HLF: variants seen among roughly 807,000 people sequenced by gnomAD.
The protein encoded by HLF is HLF transcription factor, PAR bZIP family member.
Under a neutral mutation model 22.6 loss-of-function variants are expected in HLF, and 3 were observed. That is an observed-to-expected ratio of 0.13 (90% CI 0.06 to 0.34). The LOEUF (loss-of-function observed/expected upper bound fraction) is 0.34, where lower values mean the gene tolerates loss of function less well. Among genes scored for constraint, HLF ranks in the 10% least tolerant of loss-of-function variants. HLF has a pLI of 1.00. For synonymous variants in HLF, 151 were observed against 151.8 expected (o/e 0.99, Z 0.04); for missense variants, 299 against 389.2 (o/e 0.77, Z 1.95).
rs747759761 is a variant in HLF at position 55,324,434 on chromosome 17, T to G, written c.*3555T>G. ...TGAAATGCAAAGCTATTCTTTGGTT[T>G]TTCTAGTAGTTTATCTCATTTTACC... On this transcript the variant is annotated 3_prime_UTR_variant, in exon 4 of 4. Transcript: ENST00000226067. The G allele has an allele frequency of 9.9e-5, 23 of 231,524 alleles. No individual in the cohort carries two copies. Among genetic ancestry groups the G allele is most frequent in the Non-Finnish European group, 1.3e-4 (15 of 116,956 alleles). The allele number at this position is 231,524 out of a possible 1,614,324, so 14.3% of individuals were successfully genotyped here.
Position 55,321,561 on chromosome 17 carries a change from T to C in HLF, c.*682T>C, listed in dbSNP as rs1326710521. 1 of 228,216 alleles carries C rather than the reference T, an allele frequency of 4.4e-6. No homozygotes were observed. The highest frequency in any genetic ancestry group is 2.2e-5 in the African/African-American group (1 of 45,068). The allele number at this position is 228,216 out of a possible 1,614,324, so 14.1% of individuals were successfully genotyped here. ...AACCCCAGATAAGTAAGAGTACTAT[T>C]AATAGAACACAGAGTGTGTTTTTGC... is the stretch of plus-strand genomic sequence containing the variant. On this transcript the variant is annotated 3_prime_UTR_variant, in exon 4 of 4. Transcript: ENST00000226067.
At chr17:55,271,192 T>C (rs1165018968) in intron 2 of HLF, among the ~76,000 whole-genome samples, 1 of 152,228 alleles carries the variant, frequency 6.6e-6, no homozygotes, top group East Asian at 1.9e-4. Flanking sequence ...CTACCTGCAA[T>C]GCTTTATGGC....
intron 2 of HLF, among the ~76,000 whole-genome samples, chr17:55,292,005 C>G (rs1753609962): frequency 1.3e-5 from 2 of 152,156 alleles, no homozygotes; most frequent in South Asian, 4.1e-4. Flanking sequence ...TTGCTGCAAT[C>G]TCATGATAAA....
chr17:55,278,249 A>C (rs1428704014), intron 2 of HLF, among the ~76,000 whole-genome samples: 1 of 152,232 alleles, frequency 6.6e-6, no homozygotes, highest in Non-Finnish European at 1.5e-5. Context: ...AGGGAGCTAC[A>C]ACACTAAATC....
At chr17:55,310,016 C>T (rs1021761334) in intron 2 of HLF, among the ~76,000 whole-genome samples, 5 of 152,184 alleles carry the variant, frequency 3.3e-5, no homozygotes, top group African/African-American at 9.7e-5. Context: ...TGCTAAAATA[C>T]GAAAGAATAT....
chr17:55,297,467 T>C (rs1196057264), intron 2 of HLF, among the ~76,000 whole-genome samples: 1 of 152,134 alleles, frequency 6.6e-6, no homozygotes, highest in African/African-American at 2.4e-5. Flanking sequence ...CCTCAATAGA[T>C]TGAAAGAAAA....
At chr17:55,312,310 G>T (rs1043624154) in intron 2 of HLF, among the ~76,000 whole-genome samples, 1 of 152,164 alleles carries the variant, frequency 6.6e-6, no homozygotes, top group Non-Finnish European at 1.5e-5. Flanking sequence ...CCTTTTCTCT[G>T]CAACCTCACC....
chr17:55,288,008 T>C (rs947187035), intron 2 of HLF, among the ~76,000 whole-genome samples: 2 of 152,212 alleles, frequency 1.3e-5, no homozygotes, highest in East Asian at 3.9e-4. Flanking sequence ...GTTATGATAG[T>C]ATGATGCACG....
chr17:55,271,298 C>T (rs2080855205), intron 2 of HLF, among the ~76,000 whole-genome samples: 1 of 152,190 alleles, frequency 6.6e-6, no homozygotes, highest in African/African-American at 2.4e-5. Flanking sequence ...AAAACTAAGC[C>T]ATCAGGCTAA....
chr17:55,305,338 A>AGAGGGAGGTAAAAG (rs1904495805), intron 2 of HLF, among the ~76,000 whole-genome samples: 1 of 152,178 alleles, frequency 6.6e-6, no homozygotes, highest in Non-Finnish European at 1.5e-5. Flanking sequence ...TGGACGAGAG[A>AGAGGGAGGTAAAAG]GAGGGAGGTA....
intron 2 of HLF, among the ~76,000 whole-genome samples, chr17:55,286,752 T>C (rs1312600395): frequency 6.6e-6 from 1 of 152,220 alleles, no homozygotes; most frequent in Non-Finnish European, 1.5e-5. Context: ...AGTCTTATAT[T>C]TACTGCTTTG....
intron 2 of HLF, among the ~76,000 whole-genome samples, chr17:55,278,494 G>A (rs936745334): frequency 2.6e-5 from 4 of 151,896 alleles, no homozygotes; most frequent in Admixed American, 6.6e-5. Context: ...AGTTAAGCAC[G>A]CCTGTCCATT....
intron 2 of HLF, among the ~76,000 whole-genome samples, chr17:55,308,842 G>T (rs1487012170): frequency 1.8e-4 from 28 of 152,186 alleles, no homozygotes; most frequent in Admixed American, 1.8e-3. Flanking sequence ...GCTATGGGTT[G>T]CTCAGGTGGC....
rs1288496385 is a variant in HLF at position 55,323,836 on chromosome 17, A to C, written c.*2957A>C. ...TTGTCATTTTTCACCTTTTCATCCT[A>C]AGCATCTTTCAGAGATTAATTATTT... On this transcript the variant is annotated 3_prime_UTR_variant, in exon 4 of 4. Transcript: ENST00000226067. The C allele has an allele frequency of 4.4e-6, 1 of 229,692 alleles. No individual in the cohort carries two copies. Among genetic ancestry groups the C allele is most frequent in the Non-Finnish European group, 8.6e-6 (1 of 115,870 alleles). 14.2% of individuals were successfully genotyped at this position (229,692 alleles called of 1,614,324 possible).
chr17:55,297,328 T>C (rs2081119255), intron 2 of HLF, among the ~76,000 whole-genome samples: 1 of 152,192 alleles, frequency 6.6e-6, no homozygotes, highest in Admixed American at 6.5e-5. Context: ...TGGTGTGGCC[T>C]CAGATTTCAT....
At chr17:55,309,478 A>G (rs1904731914) in intron 2 of HLF, among the ~76,000 whole-genome samples, 1 of 152,116 alleles carries the variant, frequency 6.6e-6, no homozygotes, top group African/African-American at 2.4e-5. Flanking sequence ...GGATGCCAAG[A>G]GGGTAAAAGC....
chr17:55,269,164 G>T (rs908157403), intron 2 of HLF, among the ~76,000 whole-genome samples: 5 of 152,148 alleles, frequency 3.3e-5, no homozygotes, highest in African/African-American at 1.2e-4. Flanking sequence ...GATTTAAATG[G>T]AAGGAAATGA....
intron 2 of HLF, among the ~76,000 whole-genome samples, chr17:55,307,827 T>C (rs1460350300): frequency 1.7e-5 from 2 of 116,328 alleles, no homozygotes; most frequent in African/African-American, 7.3e-5. Flanking sequence ...GAGATAAATA[T>C]TGTAAAAAAA....
At chr17:55,307,714 G>C (rs1012170490) in intron 2 of HLF, among the ~76,000 whole-genome samples, 2 of 151,846 alleles carry the variant, frequency 1.3e-5, no homozygotes, top group Non-Finnish European at 2.9e-5. Context: ...CTAGAATCTG[G>C]GGCAGCAGCA....
Sources: allele counts gnomAD v4.1 joint callset (sites outside exome capture counted in the v4.1 genomes callset), GRCh38; gene constraint gnomAD v4.1.1; transcripts MANE v1.5; gene names NCBI Gene and HGNC (gene_info 2026-07-23, HGNC 2026-07-21).